The following NMBR variants were observed in gnomAD, a reference collection of about 807,000 sequenced individuals.
The protein encoded by NMBR is neuromedin B receptor, also known as neuromedin-B receptor.
In NMBR, 16 loss-of-function variants were observed where a neutral mutation model predicts 20.5. The observed-to-expected ratio is 0.78, with a 90% confidence interval of 0.53 to 1.19. NMBR has a LOEUF of 1.19. NMBR is among the 50% of genes most tolerant of loss of function. The pLI, the probability that NMBR is intolerant of heterozygous loss-of-function variation, is 0.00. For synonymous variants in NMBR, 212 were observed against 196.6 expected (o/e 1.08, Z -0.65); for missense variants, 582 against 499.1 (o/e 1.17, Z -1.58).
intron 2 of NMBR, 114 bp from the exon 3 acceptor site, chr6:142,079,017 GGAGA>G (rs970588297): frequency 3.6e-5 from 19 of 523,486 alleles, no homozygotes; most frequent in African/African-American, 1.3e-4. Context: ...AGGAAGAAAG[GGAGA>G]GAGAGAGAAA....
chr6:142,122,389 A>C (rs1441385038), intron 1 of NMBR, among the ~76,000 whole-genome samples: 3 of 151,970 alleles, frequency 2.0e-5, no homozygotes, highest in African/African-American at 7.2e-5. Context: ...AAGATGGTAT[A>C]TCACCATACC....
intron 1 of NMBR, among the ~76,000 whole-genome samples, chr6:142,112,547 A>G (rs1777784600): frequency 6.6e-6 from 1 of 152,238 alleles, no homozygotes; most frequent in Admixed American, 6.5e-5. Context: ...CAGTACAATC[A>G]GCCTGCCTTT....
At chr6:142,085,413 AC>A (rs1777181781) in intron 2 of NMBR, among the ~76,000 whole-genome samples, 1 of 152,088 alleles carries the variant, frequency 6.6e-6, no homozygotes, top group South Asian at 2.1e-4. Flanking sequence ...AATCTCAGCT[AC>A]TCAGGAGGTT....
intron 1 of NMBR, among the ~76,000 whole-genome samples, chr6:142,102,389 C>CA (rs534698007): frequency 0.29 from 21,930 of 76,270 alleles, 2,713 homozygotes; most frequent in Non-Finnish European, 0.38. Flanking sequence ...CACTCTGTCT[C>CA]AAAAAAAAAA....
rs181522993 is a variant in NMBR, at chr6:142,131,537, T to C, written c.-664+15507A>G. On this transcript the variant is annotated intron_variant, in intron 1 of 3. Coordinates refer to ENST00000258042, the MANE Select transcript of NMBR (RefSeq NM_002511.4). ...CAAGAAACACAGGTTGTCACTCCAA[T>C]ATACACCCTTACCAATTGCCATACA... 4.1e-4 allele frequency among the ~76,000 whole-genome samples: 62 copies of C among 152,292 alleles called. 3 individuals carry two copies. In the East Asian group the frequency reaches 0.012, roughly 29 times the overall value.
chr6:142,139,088 G>T (rs1026147670), intron 1 of NMBR, among the ~76,000 whole-genome samples: 4 of 152,070 alleles, frequency 2.6e-5, no homozygotes, highest in African/African-American at 9.7e-5. Flanking sequence ...CTGTGGTGGT[G>T]ACACAAATTG....
In NMBR at chr6:142,088,352, G is replaced by C; in HGVS notation, c.307C>G (p.Arg103Gly). ...LLTCVPVDAS[R>G]YFFDEWMFGK... ...AACATCCACTCGTCGAAGAAGTAGC[G>C]CGAGGCGTCCACCGGGACGCAGGTG... The change falls in exon 2 of 4, where the codon CGC (arginine) becomes GGC (glycine). Residue 103 changes from arginine to glycine, a missense_variant. Arg to Gly is a moderately radical substitution (Grantham distance 125). Coordinates refer to ENST00000258042, the MANE Select transcript of NMBR (RefSeq NM_002511.4). 1 of 1,613,966 alleles carries C rather than the reference G, an allele frequency of 6.2e-7. No individual in the cohort carries two copies. Among genetic ancestry groups the C allele is most frequent in the Non-Finnish European group, 8.5e-7 (1 of 1,180,006 alleles).
chr6:142,082,614 C>T (rs1777121586), intron 2 of NMBR, among the ~76,000 whole-genome samples: 1 of 152,146 alleles, frequency 6.6e-6, no homozygotes, highest in Non-Finnish European at 1.5e-5. Context: ...TGATGATAAG[C>T]CGGGTTTAGA....
chr6:142,117,324 T>C (rs1229698032), intron 1 of NMBR, among the ~76,000 whole-genome samples: 1 of 151,628 alleles, frequency 6.6e-6, no homozygotes, highest in Non-Finnish European at 1.5e-5. Flanking sequence ...TTTTATATTT[T>C]ACCAGCTCCA....
intron 1 of NMBR, among the ~76,000 whole-genome samples, chr6:142,091,094 TA>T (rs1169187562): frequency 6.6e-6 from 1 of 152,174 alleles, no homozygotes; most frequent in Non-Finnish European, 1.5e-5. Flanking sequence ...GGTATTTTAT[TA>T]AAATGTTATA....
chr6:142,099,899 G>A lies in NMBR; in HGVS notation c.-663-10578C>T, dbSNP rs140177137. On this transcript the variant is annotated intron_variant, in intron 1 of 3. Coordinates refer to ENST00000258042, the MANE Select transcript of NMBR (RefSeq NM_002511.4). ...AAATAAAAAATCCAATGAAAAAGAG[G>A]ACAAAACACCTTAATAGACATCTCA... is the stretch of plus-strand genomic sequence containing the variant. 2.1e-3 allele frequency among the ~76,000 whole-genome samples: 319 copies of A among 151,944 alleles called. 4 individuals are homozygous for A. Among genetic ancestry groups the A allele is most frequent in the African/African-American group, 7.5e-3 (310 of 41,448 alleles).
chr6:142,121,882 A>G (rs1777948675), intron 1 of NMBR, among the ~76,000 whole-genome samples: 1 of 151,944 alleles, frequency 6.6e-6, no homozygotes, highest in Non-Finnish European at 1.5e-5. Flanking sequence ...GCAAAATTCT[A>G]GAGATTACCT....
At chr6:142,093,684 G>T (rs1264443835) in intron 1 of NMBR, among the ~76,000 whole-genome samples, 1 of 151,950 alleles carries the variant, frequency 6.6e-6, no homozygotes, top group African/African-American at 2.4e-5. Context: ...GGGATTGCTG[G>T]GTCAAATGGT....
chr6:142,124,240 AC>A (rs1414938313), intron 1 of NMBR, among the ~76,000 whole-genome samples: 1 of 151,932 alleles, frequency 6.6e-6, no homozygotes, highest in Non-Finnish European at 1.5e-5. Context: ...TTTTTCCAAG[AC>A]TTTTTTATTA....
chr6:142,079,338 T>C (rs776457402), intron 2 of NMBR, among the ~76,000 whole-genome samples: 7 of 152,142 alleles, frequency 4.6e-5, no homozygotes, highest in Non-Finnish European at 7.4e-5. Context: ...CTAAGGTTCC[T>C]GGTGTCTCTC....
intron 1 of NMBR, among the ~76,000 whole-genome samples, chr6:142,139,314 G>A (rs1310849199): frequency 6.6e-6 from 1 of 152,174 alleles, no homozygotes; most frequent in Non-Finnish European, 1.5e-5. Context: ...GTAGGGCATT[G>A]TCAACGTATA....
intron 1 of NMBR, among the ~76,000 whole-genome samples, chr6:142,098,393 C>T (rs181976356): frequency 6.6e-6 from 1 of 152,134 alleles, no homozygotes; most frequent in Admixed American, 6.5e-5. Context: ...ATAAAACTGT[C>T]TTTGTTAACA....
intron 1 of NMBR, among the ~76,000 whole-genome samples, chr6:142,125,597 A>T (rs1218755183): frequency 6.6e-6 from 1 of 151,852 alleles, no homozygotes. Context: ...CTTGCACAGT[A>T]GCTGGTATTA....
In NMBR at chr6:142,078,625, T is replaced by G. The variant is rs1374481292; in HGVS notation, c.701A>C (p.His234Pro). ...GCTTTTAATTAAGGTCTTTGCAATA[T>G]GATAATAATAAATGCTAATAATAGC... ...PLAIISIYYY[H>P]IAKTLIKSAH... is the part of the protein sequence containing the mutation. Residue 234 changes from histidine (H) to proline (P), a missense_variant, in exon 3 of 4, where the codon CAT becomes CCT. Physicochemically the swap from His to Pro is moderately conservative, Grantham distance 77 (BLOSUM62 -2). Coordinates refer to ENST00000258042, the MANE Select transcript of NMBR (RefSeq NM_002511.4). 6.2e-7 allele frequency: 1 copy of G among 1,613,108 alleles called. No individual in the cohort carries two copies. Among genetic ancestry groups the G allele is most frequent in the African/African-American group, 1.3e-5 (1 of 74,874 alleles).
Sources: allele counts gnomAD v4.1 joint callset (sites outside exome capture counted in the v4.1 genomes callset), GRCh38; gene constraint gnomAD v4.1.1; transcripts MANE v1.5; gene names NCBI Gene and HGNC (gene_info 2026-07-23, HGNC 2026-07-21).